Variants in PRKN observed in about 807,000 individuals in gnomAD.
PRKN encodes parkin RBR E3 ubiquitin protein ligase.
Under a neutral mutation model 59.5 loss-of-function variants are expected in PRKN, and 56 were observed. That is an observed-to-expected ratio of 0.94 (90% confidence interval 0.76 to 1.18). The LOEUF (loss-of-function observed/expected upper bound fraction) is 1.18, where lower values mean the gene tolerates loss of function less well. Among genes scored for constraint, PRKN ranks in the 50% most tolerant of loss-of-function variants. PRKN has a pLI of 0.00. For synonymous variants in PRKN, 250 were observed against 222.1 expected, an observed-to-expected ratio of 1.13 and a Z score of -1.12; for missense variants, 657 against 596.4, an observed-to-expected ratio of 1.10 and a Z score of -1.06.
intron 6 of PRKN, among the ~76,000 whole-genome samples, chr6:161,910,821 A>G (rs1178149670): frequency 6.6e-6 from 1 of 152,234 alleles, no homozygotes; most frequent in Non-Finnish European, 1.5e-5. Flanking sequence ...GCAGCCATCA[A>G]CATCAAGGCA....
intron 4 of PRKN, among the ~76,000 whole-genome samples, chr6:162,144,537 GGGA>G (rs1316733560): frequency 6.6e-6 from 1 of 152,128 alleles, no homozygotes; most frequent in Non-Finnish European, 1.5e-5. Flanking sequence ...GAGCCTTCCT[GGGA>G]GCTGGCTTCC....
intron 4 of PRKN, among the ~76,000 whole-genome samples, chr6:162,157,799 A>G (rs1020643611): frequency 2.0e-5 from 3 of 152,112 alleles, no homozygotes; most frequent in African/African-American, 7.2e-5. Flanking sequence ...CTCCAACTAC[A>G]GCCAAGTTGA....
At chr6:162,167,060 T>C (rs34394707) in intron 4 of PRKN, among the ~76,000 whole-genome samples, 3,378 of 152,262 alleles carry the variant, frequency 0.022, 133 homozygotes, top group African/African-American at 0.077. Context: ...AGCATGCATA[T>C]GTCCAACTGT....
intron 5 of PRKN, among the ~76,000 whole-genome samples, chr6:162,039,484 G>A (rs527579242): frequency 2.6e-4 from 39 of 152,234 alleles, no homozygotes; most frequent in Admixed American, 7.2e-4. Flanking sequence ...AGAACTGGTT[G>A]TTGAAAGGAG....
At chr6:161,600,651 A>G (rs1447577301) in intron 7 of PRKN, among the ~76,000 whole-genome samples, 3 of 152,152 alleles carry the variant, frequency 2.0e-5, no homozygotes, top group Non-Finnish European at 4.4e-5. Context: ...CATCTCCAAC[A>G]CTAACCTCAG....
intron 2 of PRKN, among the ~76,000 whole-genome samples, chr6:162,287,517 A>G (rs1361699846): frequency 6.6e-6 from 1 of 152,134 alleles, no homozygotes; most frequent in Non-Finnish European, 1.5e-5. Flanking sequence ...GCAGTGAGCC[A>G]TGATCATGCC....
chr6:161,791,490 C>T (rs1371246233), intron 6 of PRKN, among the ~76,000 whole-genome samples: 2 of 152,216 alleles, frequency 1.3e-5, no homozygotes, highest in Admixed American at 6.5e-5. Context: ...TGCCCTCCTT[C>T]ACACACTCTC....
chr6:162,493,734 C>A (rs1792925687), intron 1 of PRKN, among the ~76,000 whole-genome samples: 1 of 152,178 alleles, frequency 6.6e-6, no homozygotes, highest in African/African-American at 2.4e-5. Flanking sequence ...CATGACCACT[C>A]CTTCCATAAG....
chr6:161,998,059 A>T (rs1410315282), intron 5 of PRKN, among the ~76,000 whole-genome samples: 1 of 152,202 alleles, frequency 6.6e-6, no homozygotes, highest in African/African-American at 2.4e-5. Flanking sequence ...ATATATTAAA[A>T]AACATAAAAC....
chr6:162,072,804 C>A (rs1386875022), intron 4 of PRKN, among the ~76,000 whole-genome samples: 1 of 152,106 alleles, frequency 6.6e-6, no homozygotes, highest in African/African-American at 2.4e-5. Context: ...GTGGAAATAA[C>A]AATTGCACGT....
chr6:162,722,847 A>T (rs1174773565), intron 1 of PRKN, among the ~76,000 whole-genome samples: 1 of 152,188 alleles, frequency 6.6e-6, no homozygotes, highest in Admixed American at 6.5e-5. Flanking sequence ...TGTAAAGGGC[A>T]AAGGGTCATT....
intron 7 of PRKN, among the ~76,000 whole-genome samples, chr6:161,694,738 TG>T (rs1443000093): frequency 6.6e-6 from 1 of 152,208 alleles, no homozygotes; most frequent in Non-Finnish European, 1.5e-5. Context: ...CTGGACCGTA[TG>T]GGTGACAGAC....
intron 6 of PRKN, among the ~76,000 whole-genome samples, chr6:161,805,953 T>C (rs997123775): frequency 6.6e-6 from 1 of 152,198 alleles, no homozygotes; most frequent in Admixed American, 6.5e-5. Flanking sequence ...TTAGCAAGCT[T>C]AGCCAAGAGA....
At chr6:162,531,940 C>CAA (rs35097200) in intron 1 of PRKN, among the ~76,000 whole-genome samples, 9 of 106,474 alleles carry the variant, frequency 8.5e-5, no homozygotes, top group East Asian at 4.5e-4. Flanking sequence ...ACTCTGACTC[C>CAA]AAAAAAAAAA....
At chr6:162,713,407 T>C (rs1778610351) in intron 1 of PRKN, among the ~76,000 whole-genome samples, 2 of 142,590 alleles carry the variant, frequency 1.4e-5, no homozygotes, top group Non-Finnish European at 3.0e-5. Flanking sequence ...GGCAGGAGAA[T>C]GGCGTGAACC....
At chr6:162,156,121 A>G (rs1488765807) in intron 4 of PRKN, among the ~76,000 whole-genome samples, 1 of 152,162 alleles carries the variant, frequency 6.6e-6, no homozygotes, top group African/African-American at 2.4e-5. Context: ...TACTGTATAT[A>G]TATTTTTGCT....
At chr6:162,334,322 T>C (rs902906890) in intron 2 of PRKN, among the ~76,000 whole-genome samples, 3 of 152,210 alleles carry the variant, frequency 2.0e-5, no homozygotes, top group African/African-American at 7.2e-5. Flanking sequence ...AGTCAATGCA[T>C]GGCTTCAAAA....
chr6:161,746,632 A>T (rs1391710570), intron 7 of PRKN, among the ~76,000 whole-genome samples: 6 of 146,576 alleles, frequency 4.1e-5, no homozygotes, highest in African/African-American at 1.5e-4. Flanking sequence ...ATACACATAT[A>T]TGTATATATG....
At chr6:162,685,293 C>A (rs574297752) in intron 1 of PRKN, among the ~76,000 whole-genome samples, 1 of 152,240 alleles carries the variant, frequency 6.6e-6, no homozygotes, top group South Asian at 2.1e-4. Flanking sequence ...CTCCTGAGTA[C>A]ATTTTTGACT....
Sources: allele counts gnomAD v4.1 joint callset (sites outside exome capture counted in the v4.1 genomes callset), GRCh38; gene constraint gnomAD v4.1.1; transcripts MANE v1.5; gene names NCBI Gene and HGNC (gene_info 2026-07-23, HGNC 2026-07-21).